Variants in SNPH observed in about 807,000 individuals in gnomAD.
The protein encoded by SNPH is syntaphilin.
A neutral mutation model predicts 36.8 loss-of-function variants in SNPH; 10 were observed. The observed-to-expected ratio is 0.27, with a 90% confidence interval of 0.17 to 0.46. The LOEUF is 0.46. Among genes scored for constraint, SNPH ranks in the 20% least tolerant of loss-of-function variants. SNPH has a pLI of 1.00. For missense variants in SNPH, 622 were observed against 744.0 expected (o/e 0.84, Z 1.91); for synonymous variants, 281 against 312.2 (o/e 0.90, Z 1.05).
intron 2 of SNPH, among the ~76,000 whole-genome samples, chr20:1,291,802 AC>A (rs2088365305): frequency 6.6e-6 from 1 of 152,162 alleles, no homozygotes; most frequent in East Asian, 1.9e-4. Flanking sequence ...ACATACAGGG[AC>A]TTTTGCTTAG....
chr20:1,279,299 C>G (rs2088187849), intron 2 of SNPH, among the ~76,000 whole-genome samples: 1 of 152,168 alleles, frequency 6.6e-6, no homozygotes, highest in Non-Finnish European at 1.5e-5. Context: ...CTTTAATTGG[C>G]ATTTTCCTAA....
intron 2 of SNPH, among the ~76,000 whole-genome samples, chr20:1,281,227 T>C (rs2088215729): frequency 6.6e-6 from 1 of 152,204 alleles, no homozygotes; most frequent in African/African-American, 2.4e-5. Flanking sequence ...CCACCTTTAC[T>C]TCTGTCACCT....
chr20:1,281,161 AC>A (rs2088214009), intron 2 of SNPH, among the ~76,000 whole-genome samples: 1 of 152,150 alleles, frequency 6.6e-6, no homozygotes, highest in Non-Finnish European at 1.5e-5. Context: ...GTCATTCCCT[AC>A]AGCCTATCTC....
chr20:1,306,643 G>A lies in SNPH; in HGVS notation c.*589G>A. 6.5e-6 allele frequency: 1 copy of A among 152,806 alleles called. No homozygotes were observed. Among genetic ancestry groups the A allele is most frequent in the Non-Finnish European group, 1.5e-5 (1 of 68,382 alleles). 9.5% of individuals were successfully genotyped at this position (152,806 alleles called of 1,614,324 possible). Reference sequence around the variant, plus strand: ...CCTCCCCAGACTGCTGCCCACCTTGGGACTCAGGAGCTCAGTCAAGGCCAC... The same window carrying A: ...CCTCCCCAGACTGCTGCCCACCTTGAGACTCAGGAGCTCAGTCAAGGCCAC... On this transcript the variant is annotated 3_prime_UTR_variant, in exon 7 of 7. Coordinates refer to ENST00000381867, the MANE Select transcript of SNPH (RefSeq NM_001318234.2).
intron 6 of SNPH, 71 bp downstream of exon 6, chr20:1,300,782 G>A: frequency 6.7e-7 from 1 of 1,486,418 alleles, no homozygotes; most frequent in Non-Finnish European, 9.0e-7. Context: ...CAGGGCTCTG[G>A]GGTGCCTCTT....
Position 1,268,267 on chromosome 20 carries a change from C to T in SNPH, c.-493+1507C>T, listed in dbSNP as rs150895901. Reference sequence around the variant, plus strand: ...TTTGGAAAATCCTGGCATCCAAGGGCGGAGTCTCTGAGGGAACAGAAGCAG... The same window carrying T: ...TTTGGAAAATCCTGGCATCCAAGGGTGGAGTCTCTGAGGGAACAGAAGCAG... On this transcript the variant is annotated intron_variant, in intron 2 of 6. Transcript: ENST00000381867. 1.2e-3 allele frequency among the ~76,000 whole-genome samples: 184 copies of T among 152,286 alleles called. 1 individual carries two copies. The highest frequency in any genetic ancestry group is 4.0e-3 in the African/African-American group (167 of 41,554).
At position 1,305,138 on chromosome 20, in the gene SNPH, G is replaced by T; in HGVS notation, c.701G>T (p.Gly234Val). The change falls in exon 7 of 7, where the codon GGC (glycine) becomes GTC (valine). Residue 234 changes from glycine to valine, a missense_variant. Gly to Val is a moderately radical substitution (Grantham distance 109). Transcript: ENST00000381867. Reference sequence around the variant, plus strand: ...CACAGCATGGAGGTGGCCCAGAATGGCATGGCCAAGGAGGATGGCACTGGG... The same window carrying T: ...CACAGCATGGAGGTGGCCCAGAATGTCATGGCCAAGGAGGATGGCACTGGG... ...LLHSMEVAQN[G>V]MAKEDGTGES... 1 of 1,613,628 alleles carries T rather than the reference G, an allele frequency of 6.2e-7. No homozygotes were observed. The highest frequency in any genetic ancestry group is 1.1e-5 in the South Asian group (1 of 91,078).
chr20:1,270,916 C>G (rs1289721761), intron 2 of SNPH, among the ~76,000 whole-genome samples: 4 of 152,198 alleles, frequency 2.6e-5, no homozygotes. Flanking sequence ...TCTAGGCCAC[C>G]AGAAGCCCCA....
intron 6 of SNPH, 36 bp downstream of exon 6, chr20:1,300,747 C>A (rs370145508): frequency 6.3e-7 from 1 of 1,579,450 alleles, no homozygotes; most frequent in South Asian, 1.2e-5. Flanking sequence ...TGGGGGTACC[C>A]CACCAGCTCC....
intron 2 of SNPH, among the ~76,000 whole-genome samples, chr20:1,274,968 C>T (rs760035959): frequency 3.3e-5 from 5 of 152,312 alleles, no homozygotes; most frequent in African/African-American, 4.8e-5. Context: ...GGACTTTGGA[C>T]GTGCAGCCCC....
chr20:1,300,752 A>T (rs1347841330), intron 6 of SNPH, 41 bp downstream of exon 6: 3 of 1,571,622 alleles, frequency 1.9e-6, no homozygotes, highest in Non-Finnish European at 2.6e-6. Context: ...GTACCCCACC[A>T]GCTCCACACT....
Position 1,306,442 on chromosome 20 carries a change from A to C in SNPH, c.*388A>C. On this transcript the variant is annotated 3_prime_UTR_variant, in exon 7 of 7. Coordinates refer to ENST00000381867, the MANE Select transcript of SNPH (RefSeq NM_001318234.2). ...TGCCCATAGGCCCCTGCCCTGCACC[A>C]TCCTGTCCAGTGCCCTGCGCACTCC... 5.6e-6 allele frequency: 1 copy of C among 177,922 alleles called. No individual in the cohort carries two copies. Among genetic ancestry groups the C allele is most frequent in the Non-Finnish European group, 1.2e-5 (1 of 86,244 alleles). The allele number at this position is 177,922 out of a possible 1,614,324, so 11.0% of individuals were successfully genotyped here. A position where few individuals can be genotyped will look rare whatever the true frequency, so the allele number is the denominator to read the frequency against.
At chr20:1,284,311 GGT>G (rs1327905735) in intron 2 of SNPH, among the ~76,000 whole-genome samples, 2 of 152,138 alleles carry the variant, frequency 1.3e-5, no homozygotes, top group African/African-American at 4.8e-5. Context: ...TTACTTGGGT[GGT>G]GACATCAACC....
rs772643451 is a variant in SNPH, at chr20:1,297,262, C to T, written c.290+10C>T. On this transcript the variant is annotated intron_variant, in intron 5 of 6. Transcript: ENST00000381867. Reference sequence around the variant, plus strand: ...GCAGTCCCACGCCAAGGTAATTGGCCCCTCCTCTCTGGGCCTGGCCCTGCT... The same window carrying T: ...GCAGTCCCACGCCAAGGTAATTGGCTCCTCCTCTCTGGGCCTGGCCCTGCT... 3 of 1,611,144 alleles carry T rather than the reference C, an allele frequency of 1.9e-6. No homozygotes were observed. Among genetic ancestry groups the T allele is most frequent in the Admixed American group, 1.7e-5 (1 of 59,848 alleles).
intron 2 of SNPH, among the ~76,000 whole-genome samples, chr20:1,291,575 A>G (rs1407767): frequency 0.72 from 109,269 of 151,974 alleles, 39,839 homozygotes; most frequent in Non-Finnish European, 0.79. Context: ...AGCACCAGGC[A>G]CTCTGCTGTC....
Position 1,305,088 on chromosome 20 carries a change from G to A in SNPH, c.651G>A (p.Gln217=), listed in dbSNP as rs757349234. ...AGTACTTCGTGGACATCAACATCCAGAACAAGAAGCTGGAGACGCTGCTGC... is the reference window on the plus strand; with the variant it reads ...AGTACTTCGTGGACATCAACATCCAAAACAAGAAGCTGGAGACGCTGCTGC... ...LQKYFVDINI[Q]NKKLETLLHS... The change falls in exon 7 of 7, where the codon CAG becomes CAA. Residue 217 remains glutamine (Q), a synonymous_variant. Transcript: ENST00000381867. 1 of 1,614,024 alleles carries A rather than the reference G, an allele frequency of 6.2e-7. No individual in the cohort carries two copies. The highest frequency in any genetic ancestry group is 1.1e-5 in the South Asian group (1 of 91,086).
chr20:1,278,070 ATCTGTGTGTGTC>A (rs2088171362), intron 2 of SNPH, among the ~76,000 whole-genome samples: 1 of 68,280 alleles, frequency 1.5e-5, no homozygotes, highest in African/African-American at 6.9e-5. Context: ...CTGTGTGTGT[ATCTGTGTGTGTC>A]TCTGTGTGTG....
chr20:1,305,058 G>T lies in SNPH; in HGVS notation c.621G>T (p.Leu207=), dbSNP rs753011927. 5 of 1,614,096 alleles carry T rather than the reference G, an allele frequency of 3.1e-6. No individual in the cohort carries two copies. The highest frequency in any genetic ancestry group is 4.2e-6 in the Non-Finnish European group (5 of 1,180,048). The change falls in exon 7 of 7, where the codon CTG becomes CTT. Residue 207 remains leucine (L), a synonymous_variant. Transcript: ENST00000381867. ...ACCTGATTGACAAGGACAAGGGGCT[G>T]CAGAAGTACTTCGTGGACATCAACA... is the stretch of plus-strand genomic sequence containing the variant. The part of the protein sequence containing the change: ...KNNLIDKDKG[L]QKYFVDINIQ...
Position 1,293,313 on chromosome 20 carries a change from C to T in SNPH, c.-492-1638C>T, listed in dbSNP as rs2122375017. ...TGCAGCAGGGTTGCTATGGTGTGGA[C>T]AAGATGGGGAAGTGGAGGGAAGTTC... On this transcript the variant is annotated intron_variant, in intron 2 of 6. Transcript: ENST00000381867. 1.3e-5 allele frequency among the ~76,000 whole-genome samples: 2 copies of T among 152,266 alleles called. 1 individual carries two copies. The highest frequency in any genetic ancestry group is 4.1e-4 in the South Asian group (2 of 4,824).
Sources: allele counts gnomAD v4.1 joint callset (sites outside exome capture counted in the v4.1 genomes callset), GRCh38; gene constraint gnomAD v4.1.1; transcripts MANE v1.5; gene names NCBI Gene and HGNC (gene_info 2026-07-23, HGNC 2026-07-21).